DAPK1: variants seen among roughly 807,000 people sequenced by gnomAD.
DAPK1 encodes death-associated protein kinase 1.
DAPK1 carries 56 observed loss-of-function variants against 144.9 expected under a neutral mutation model. The ratio of observed to expected loss-of-function variants is 0.39; its 90% CI spans 0.31 to 0.48. The LOEUF is 0.48. Among genes scored for constraint, DAPK1 ranks in the 20% least tolerant of loss-of-function variants. The pLI, the probability that DAPK1 is intolerant of heterozygous loss-of-function variation, is 0.95. For synonymous variants in DAPK1, 690 were observed against 749.0 expected, an observed-to-expected ratio of 0.92 and a Z score of 1.29; for missense variants, 1,454 against 1,875.4, an observed-to-expected ratio of 0.78 and a Z score of 4.15.
chr9:87,699,580 A>G (rs757930328), intron 23 of DAPK1, among the ~76,000 whole-genome samples: 1 of 152,218 alleles, frequency 6.6e-6, no homozygotes, highest in Non-Finnish European at 1.5e-5. Context: ...CTCAGAGTCT[A>G]TCAAAACAGT....
intron 2 of DAPK1, among the ~76,000 whole-genome samples, chr9:87,541,088 A>G (rs184135424): frequency 6.6e-6 from 1 of 152,174 alleles, no homozygotes; most frequent in Non-Finnish European, 1.5e-5. Context: ...ACACATTATC[A>G]AAACCATTCT....
chr9:87,650,098 G>A lies in DAPK1; in HGVS notation c.1606G>A (p.Asp536Asn), dbSNP rs552049139. 46 of 1,613,924 alleles carry A rather than the reference G, an allele frequency of 2.9e-5. No individual in the cohort carries two copies. Among genetic ancestry groups the A allele is most frequent in the South Asian group, 9.9e-5 (9 of 91,070 alleles). Residue 536 changes from aspartate to asparagine, a missense_variant, in exon 16 of 26, where the codon GAC becomes AAC. This residue lies in a region of DAPK1 where 1,025 missense variants were observed against 1,237.9 expected (regional missense o/e 0.83). Coordinates refer to ENST00000408954, the MANE Select transcript of DAPK1 (RefSeq NM_004938.4). ...GGAGTGTCTGGCCGAACATGGAGCC[G>A]ACCTTAATGCTTGCGACAAGGTGCC... is the stretch of plus-strand genomic sequence containing the variant. ...IVECLAEHGA[D>N]LNACDKDGHI...
chr9:87,646,144 C>A, intron 12 of DAPK1, 130 bp downstream of exon 12: 1 of 1,151,806 alleles, frequency 8.7e-7, no homozygotes, highest in Non-Finnish European at 1.2e-6. Flanking sequence ...TGGGGAAAAT[C>A]ACTTCTGTTT....
At chr9:87,554,335 A>G (rs1310179587) in intron 2 of DAPK1, 1 of 152,230 alleles carries the variant, frequency 6.6e-6, no homozygotes, top group African/African-American at 2.4e-5. Flanking sequence ...TCCAGTTTTT[A>G]AAATTATTAT....
intron 2 of DAPK1, among the ~76,000 whole-genome samples, chr9:87,502,668 C>G (rs1387384423): frequency 6.6e-6 from 1 of 152,198 alleles, no homozygotes; most frequent in African/African-American, 2.4e-5. Context: ...AGTCCTACTT[C>G]CTTAATGAAT....
chr9:87,632,729 AG>A (rs1193736036), intron 3 of DAPK1: 2 of 980,046 alleles, frequency 2.0e-6, no homozygotes, highest in Middle Eastern at 5.2e-4. Flanking sequence ...GAGATGAAGG[AG>A]GGTGAGTATA....
At chr9:87,613,971 C>G (rs1829012675) in intron 3 of DAPK1, among the ~76,000 whole-genome samples, 1 of 152,196 alleles carries the variant, frequency 6.6e-6, no homozygotes, top group Non-Finnish European at 1.5e-5. Context: ...CATCCCGCTC[C>G]TCAGATACCT....
rs377220552 is a variant in DAPK1 at position 87,646,563 on chromosome 9, A to G, written c.1230+4A>G. On this transcript the variant is annotated splice_donor_region_variant and intron_variant, in intron 13 of 25. Transcript: ENST00000408954. ...GAGAATCGATGTCCAGGATAAGGTC[A>G]TAATTGTTTTATTGAAATGAATTGA... is the stretch of plus-strand genomic sequence containing the variant. The G allele has an allele frequency of 1.2e-6, 2 of 1,601,016 alleles. No homozygotes were observed. The highest frequency in any genetic ancestry group is 1.1e-5 in the South Asian group (1 of 90,606).
chr9:87,590,899 A>C, intron 2 of DAPK1, among the ~76,000 whole-genome samples: 1 of 152,282 alleles, frequency 6.6e-6, no homozygotes, highest in Admixed American at 6.5e-5. Flanking sequence ...TATTTGTGCC[A>C]TTCTGTTGTA....
chr9:87,517,061 C>T (rs1355505091), intron 2 of DAPK1, among the ~76,000 whole-genome samples: 1 of 152,140 alleles, frequency 6.6e-6, no homozygotes, highest in African/African-American at 2.4e-5. Flanking sequence ...CCACCAGTGC[C>T]TCTCATTAGC....
chr9:87,705,967 G>C (rs1266642060), intron 25 of DAPK1, among the ~76,000 whole-genome samples, 165 bp from the exon 26 acceptor site: 2 of 151,864 alleles, frequency 1.3e-5, no homozygotes, highest in Admixed American at 1.3e-4. Context: ...TTCTCCACTC[G>C]GTGTTTGGTT....
Position 87,661,182 on chromosome 9 carries a change from T to C in DAPK1, c.1923+3055T>C, listed in dbSNP as rs117044797. Among the ~76,000 whole-genome samples the C allele has an allele frequency of 2.5e-3, 381 of 152,328 alleles. 14 individuals carry two copies. In the East Asian group the frequency reaches 0.067, roughly 27 times the overall value. ...GCCAAGTAGTATTCCATTGTGTATA[T>C]ATACCACAATTTTTAAGTCCAGTCC... On this transcript the variant is annotated intron_variant, in intron 18 of 25. Transcript: ENST00000408954.
chr9:87,632,328 G>A (rs917581403), intron 3 of DAPK1: 4 of 983,172 alleles, frequency 4.1e-6, no homozygotes, highest in Admixed American at 6.2e-5. Context: ...TATACATGTA[G>A]GGACAAGGAG....
intron 2 of DAPK1, among the ~76,000 whole-genome samples, chr9:87,542,596 G>C (rs1826094778): frequency 6.6e-6 from 1 of 152,158 alleles, no homozygotes. Flanking sequence ...AGTACCTATG[G>C]TACTGGTTGG....
rs895287504 is a variant in DAPK1, at chr9:87,697,302, T to C, written c.2611+98T>C. ...TCTGCCCTGCTCCTGCCACTGCTGC[T>C]GCTGGCCTTGCACCAGGCCATGAGC... On this transcript the variant is annotated intron_variant, in intron 22 of 25. Coordinates refer to ENST00000408954, the MANE Select transcript of DAPK1 (RefSeq NM_004938.4). 3.9e-5 allele frequency: 27 copies of C among 691,878 alleles called. No individual in the cohort carries two copies. In the Admixed American group the frequency reaches 5.8e-4, roughly 15 times the overall value. 42.9% of individuals were successfully genotyped at this position (691,878 alleles called of 1,614,324 possible).
intron 1 of DAPK1, chr9:87,498,614 A>G (rs1167542379): frequency 5.2e-5 from 16 of 310,658 alleles, no homozygotes; most frequent in Non-Finnish European, 8.2e-5. Flanking sequence ...CGAGGGCTTC[A>G]TTCTTCCGCG....
chr9:87,666,629 A>G (rs992806016), intron 18 of DAPK1, among the ~76,000 whole-genome samples: 5 of 151,724 alleles, frequency 3.3e-5, no homozygotes, highest in Non-Finnish European at 7.4e-5. Flanking sequence ...ATGCACCACC[A>G]CACCTGGCTG....
Position 87,640,916 on chromosome 9 carries a change from T to A in DAPK1, c.828+69T>A, listed in dbSNP as rs1023457804. Reference sequence around the variant, plus strand: ...ATTGGTTTGGGCACCCTGGTATTCATGTATCATAGAGTACTGCTAACCACA... The same window carrying A: ...ATTGGTTTGGGCACCCTGGTATTCAAGTATCATAGAGTACTGCTAACCACA... On this transcript the variant is annotated intron_variant, in intron 9 of 25. Transcript: ENST00000408954. The A allele has an allele frequency of 1.3e-5, 19 of 1,446,260 alleles. No individual in the cohort carries two copies. The African/African-American group carries it at 2.5e-4, about 19-fold the overall frequency. 89.6% of individuals were successfully genotyped at this position (1,446,260 alleles called of 1,614,324 possible).
At chr9:87,506,738 A>AAG (rs1234480631) in intron 2 of DAPK1, 3 of 152,216 alleles carry the variant, frequency 2.0e-5, no homozygotes, top group African/African-American at 7.2e-5. Context: ...TCGGCCTTGA[A>AAG]AGAGGTTATA....
Sources: allele counts gnomAD v4.1 joint callset (sites outside exome capture counted in the v4.1 genomes callset), GRCh38; gene constraint gnomAD v4.1.1; regional missense constraint gnomAD v4.1.1; transcripts MANE v1.5; gene names NCBI Gene and HGNC (gene_info 2026-07-23, HGNC 2026-07-21).